The following CALN1 variants were observed in gnomAD, a reference collection of about 807,000 sequenced individuals.
CALN1 encodes the protein calneuron 1, also known as calcium-binding protein 8.
CALN1 carries 17 observed loss-of-function variants against 30.6 expected under a neutral mutation model. The ratio of observed to expected loss-of-function variants is 0.56; its 90% CI spans 0.38 to 0.83. The LOEUF (loss-of-function observed/expected upper bound fraction) is 0.83. CALN1 is among the 40% of genes least tolerant of loss of function. The pLI is 0.00. For synonymous variants in CALN1, 156 were observed against 131.4 expected, an observed-to-expected ratio of 1.19 and a Z score of -1.28; for missense variants, 291 against 354.9, an observed-to-expected ratio of 0.82 and a Z score of 1.45.
intron 4 of CALN1, among the ~76,000 whole-genome samples, chr7:72,032,598 T>A (rs1429664569): frequency 6.6e-6 from 1 of 152,200 alleles, no homozygotes; most frequent in Admixed American, 6.5e-5. Context: ...TTTCAAAGTT[T>A]GAGAGTTATA....
chr7:72,369,354 A>T (rs1196242536), intron 2 of CALN1, among the ~76,000 whole-genome samples: 1,096 of 7,016 alleles, frequency 0.16, 18 homozygotes, highest in African/African-American at 0.23. Flanking sequence ...ATAAATATTT[A>T]TTTTTTTGTT....
At chr7:72,160,899 G>A (rs551162124) in intron 3 of CALN1, among the ~76,000 whole-genome samples, 2 of 152,154 alleles carry the variant, frequency 1.3e-5, no homozygotes, top group Non-Finnish European at 2.9e-5. Context: ...CTTCCATACC[G>A]GATAGAAAGC....
intron 3 of CALN1, among the ~76,000 whole-genome samples, chr7:72,232,030 A>G (rs1467836613): frequency 1.3e-5 from 2 of 152,218 alleles, no homozygotes; most frequent in Non-Finnish European, 2.9e-5. Context: ...TTGGATGCAT[A>G]AAACATATGC....
At chr7:71,974,843 G>T (rs886493136) in intron 5 of CALN1, among the ~76,000 whole-genome samples, 1 of 152,188 alleles carries the variant, frequency 6.6e-6, no homozygotes, top group African/African-American at 2.4e-5. Flanking sequence ...TTGGACTGGT[G>T]CAATTCCGCT....
chr7:72,122,316 G>A (rs1174784701), intron 3 of CALN1, among the ~76,000 whole-genome samples: 1 of 152,140 alleles, frequency 6.6e-6, no homozygotes, highest in Non-Finnish European at 1.5e-5. Context: ...GCATAGATAT[G>A]CAGGCCAGAA....
intron 3 of CALN1, among the ~76,000 whole-genome samples, chr7:72,193,921 G>A (rs762816346): frequency 1.8e-4 from 27 of 152,034 alleles, no homozygotes; most frequent in Non-Finnish European, 1.8e-4. Flanking sequence ...AGGATGCAAA[G>A]GCATAAGAAT....
At chr7:71,846,656 G>A (rs1287258265) in intron 5 of CALN1, among the ~76,000 whole-genome samples, 1 of 151,026 alleles carries the variant, frequency 6.6e-6, no homozygotes, top group African/African-American at 2.4e-5. Flanking sequence ...GAAATTTTCT[G>A]TGCAATATTC....
chr7:72,246,476 G>T (rs1052674813), intron 3 of CALN1, among the ~76,000 whole-genome samples: 1 of 152,098 alleles, frequency 6.6e-6, no homozygotes, highest in African/African-American at 2.4e-5. Context: ...CCTGCCCCCA[G>T]TGTCACCTGC....
chr7:71,986,427 C>T (rs960752787), intron 5 of CALN1, among the ~76,000 whole-genome samples: 2 of 152,196 alleles, frequency 1.3e-5, no homozygotes, highest in Non-Finnish European at 2.9e-5. Flanking sequence ...TGCAGTCTTA[C>T]ACCATTTAGA....
chr7:72,471,944 C>A, the CALN1 span, among the ~76,000 whole-genome samples: 1 of 152,132 alleles, frequency 6.6e-6, no homozygotes, highest in Non-Finnish European at 1.5e-5. Context: ...GAACTACAGG[C>A]AACCAACATG....
intron 3 of CALN1, among the ~76,000 whole-genome samples, chr7:72,110,241 A>AG (rs1406909557): frequency 3.3e-5 from 5 of 152,132 alleles, no homozygotes; most frequent in African/African-American, 1.2e-4. Flanking sequence ...AGCGGGCCCT[A>AG]GCTGGGGGTG....
At chr7:71,910,351 C>G (rs1191167507) in intron 5 of CALN1, among the ~76,000 whole-genome samples, 1 of 152,212 alleles carries the variant, frequency 6.6e-6, no homozygotes, top group African/African-American at 2.4e-5. Context: ...TTAGCCAAAT[C>G]AAGCCATACA....
intron 5 of CALN1, among the ~76,000 whole-genome samples, chr7:71,955,115 G>C (rs1796890081): frequency 1.3e-5 from 2 of 152,098 alleles, no homozygotes; most frequent in Non-Finnish European, 1.5e-5. Context: ...CGCAATCATG[G>C]CAGAAGACGA....
chr7:71,923,813 G>A (rs1273719220), intron 5 of CALN1, among the ~76,000 whole-genome samples: 1 of 151,918 alleles, frequency 6.6e-6, no homozygotes, highest in Non-Finnish European at 1.5e-5. Context: ...CCTCCCTGTG[G>A]CCCCCACTAA....
intron 5 of CALN1, among the ~76,000 whole-genome samples, chr7:71,848,410 C>A (rs1389337226): frequency 1.3e-5 from 2 of 152,190 alleles, no homozygotes; most frequent in South Asian, 4.1e-4. Flanking sequence ...CAAGAAGCAC[C>A]AGCCATTCTG....
intron 4 of CALN1, among the ~76,000 whole-genome samples, chr7:72,073,925 G>C (rs530656966): frequency 2.0e-5 from 3 of 152,128 alleles, no homozygotes; most frequent in African/African-American, 7.2e-5. Context: ...GAATTCCCCA[G>C]CTCAAGCAAT....
intron 3 of CALN1, among the ~76,000 whole-genome samples, chr7:72,228,048 G>C (rs2129550382): frequency 6.6e-6 from 1 of 152,136 alleles, no homozygotes; most frequent in East Asian, 1.9e-4. Flanking sequence ...GTTCTGAACA[G>C]GTTTGGGAAT....
the CALN1 span, among the ~76,000 whole-genome samples, chr7:72,491,621 C>A: frequency 6.6e-6 from 1 of 152,174 alleles, no homozygotes; most frequent in African/African-American, 2.4e-5. Context: ...TTTTCTTTCA[C>A]GTTCATTCCA....
chr7:72,328,067 C>T (rs1020784973), intron 2 of CALN1, among the ~76,000 whole-genome samples: 2 of 152,028 alleles, frequency 1.3e-5, no homozygotes, highest in Admixed American at 1.3e-4. Flanking sequence ...AAGAAAGGTG[C>T]CTTCCAAGTT....
Sources: allele counts gnomAD v4.1 joint callset (sites outside exome capture counted in the v4.1 genomes callset), GRCh38; gene constraint gnomAD v4.1.1; transcripts MANE v1.5; gene names NCBI Gene and HGNC (gene_info 2026-07-23, HGNC 2026-07-21).